TDP1: variants seen among roughly 807,000 people sequenced by gnomAD.
TDP1 encodes the protein tyrosyl-DNA phosphodiesterase 1, also known as tyr-DNA phosphodiesterase 1.
A neutral mutation model predicts 81.5 loss-of-function variants in TDP1; 64 were observed. The ratio of observed to expected loss-of-function variants is 0.79; its 90% CI spans 0.64 to 0.97. The LOEUF (loss-of-function observed/expected upper bound fraction) is 0.97. TDP1 is among the 50% of genes least tolerant of loss of function. TDP1 has a pLI of 0.00. For synonymous variants in TDP1, 256 were observed against 264.3 expected, an observed-to-expected ratio of 0.97 and a Z score of 0.30; for missense variants, 723 against 743.8, an observed-to-expected ratio of 0.97 and a Z score of 0.33.
Position 90,032,881 on chromosome 14 carries a change from A to G in TDP1, c.1645-225A>G, listed in dbSNP as rs1050414662. 4.1e-6 allele frequency: 4 copies of G among 983,220 alleles called. No individual in the cohort carries two copies. In the African/African-American group the frequency reaches 5.2e-5, roughly 13 times the overall value. The allele number at this position is 983,220 out of a possible 1,614,324, so 60.9% of individuals were successfully genotyped here. ...TTTGAAAACTTTTGCAAACTTTGCT[A>G]TAACTTAATTCCTGAAAATTAAAGC... On this transcript the variant is annotated intron_variant, in intron 15 of 16. Transcript: ENST00000335725.
chr14:89,988,864 T>A (rs1232657806), intron 10 of TDP1, 41 bp from the exon 11 acceptor site: 3 of 1,613,318 alleles, frequency 1.9e-6, no homozygotes, highest in Non-Finnish European at 2.5e-6. Flanking sequence ...TCTGTTAAGA[T>A]TATTTGAGTC....
At chr14:90,015,623 C>T (rs1596648693) in intron 14 of TDP1, among the ~76,000 whole-genome samples, 1 of 152,168 alleles carries the variant, frequency 6.6e-6, no homozygotes, top group Non-Finnish European at 1.5e-5. Context: ...CCAGCATGGC[C>T]AGGTACCGGT....
intron 5 of TDP1, among the ~76,000 whole-genome samples, chr14:89,968,722 G>A (rs1893241938): frequency 6.6e-6 from 1 of 152,138 alleles, no homozygotes; most frequent in African/African-American, 2.4e-5. Flanking sequence ...GTGTCACATT[G>A]GCATTTTCTG....
Position 89,963,502 on chromosome 14 carries a change from C to A in TDP1, c.388C>A (p.His130Asn). The A allele has an allele frequency of 6.2e-7, 1 of 1,602,946 alleles. No individual in the cohort carries two copies. Among genetic ancestry groups the A allele is most frequent in the Non-Finnish European group, 8.5e-7 (1 of 1,174,288 alleles). The change falls in exon 3 of 17, where the codon CAT becomes AAT. Residue 130 changes from histidine to asparagine, a missense_variant. His to Asn is a moderately conservative substitution (Grantham distance 68, BLOSUM62 1). Coordinates refer to ENST00000335725, the MANE Select transcript of TDP1 (RefSeq NM_018319.4). ...CGGCACTGCCCAAAGAACTGAAAATCATGGCGCTCCCGCCTGCCACAGGCT... is the reference window on the plus strand; with the variant it reads ...CGGCACTGCCCAAAGAACTGAAAATAATGGCGCTCCCGCCTGCCACAGGCT... ...NDGTAQRTEN[H>N]GAPACHRLKE...
At chr14:90,025,993 G>A (rs778576586) in intron 15 of TDP1, among the ~76,000 whole-genome samples, 25 of 152,328 alleles carry the variant, frequency 1.6e-4, no homozygotes, top group Admixed American at 5.2e-4. Context: ...GCTTACTTCC[G>A]GATGAAAGTA....
chr14:89,976,297 A>G (rs1894308877), intron 7 of TDP1, among the ~76,000 whole-genome samples: 1 of 151,708 alleles, frequency 6.6e-6, no homozygotes, highest in South Asian at 2.1e-4. Flanking sequence ...CAGGGGTCTC[A>G]CTTTGTGACC....
chr14:90,018,166 C>T (rs1288973911), intron 14 of TDP1, among the ~76,000 whole-genome samples: 1 of 151,598 alleles, frequency 6.6e-6, no homozygotes, highest in Non-Finnish European at 1.5e-5. Context: ...AGAAAACATA[C>T]TTGGTGCACC....
At chr14:90,010,208 C>T (rs1348607584) in intron 14 of TDP1, among the ~76,000 whole-genome samples, 2 of 152,160 alleles carry the variant, frequency 1.3e-5, no homozygotes, top group Non-Finnish European at 2.9e-5. Context: ...AGACCTCACA[C>T]CCAGAAGCTA....
intron 13 of TDP1, chr14:89,993,059 G>C: frequency 1.1e-6 from 1 of 874,684 alleles, no homozygotes; most frequent in Middle Eastern, 5.8e-4. Flanking sequence ...TCACAGTTCA[G>C]GCAGGAGACA....
intron 14 of TDP1, among the ~76,000 whole-genome samples, chr14:90,018,485 G>A (rs557286804): frequency 1.3e-5 from 2 of 151,928 alleles, no homozygotes; most frequent in Non-Finnish European, 2.9e-5. Flanking sequence ...TTCTTGAGAC[G>A]AGGTTTTAAT....
At chr14:89,982,957 T>A (rs1895161187) in intron 8 of TDP1, among the ~76,000 whole-genome samples, 1 of 152,216 alleles carries the variant, frequency 6.6e-6, no homozygotes, top group African/African-American at 2.4e-5. Context: ...TCTCACTTTT[T>A]AAAATTAGAA....
chr14:89,970,420 A>G (rs973243086), intron 5 of TDP1, among the ~76,000 whole-genome samples: 1 of 152,210 alleles, frequency 6.6e-6, no homozygotes, highest in African/African-American at 2.4e-5. Flanking sequence ...AGCTCAGTAC[A>G]TAGCACACAG....
At chr14:89,989,875 A>G (rs1895993803) in intron 12 of TDP1, 110 bp downstream of exon 12, 4 of 835,372 alleles carry the variant, frequency 4.8e-6, no homozygotes, top group Admixed American at 1.9e-5. Context: ...TCACTTAACT[A>G]TATAAGGATC....
intron 8 of TDP1, among the ~76,000 whole-genome samples, chr14:89,980,901 A>G (rs1894899584): frequency 6.6e-6 from 1 of 152,218 alleles, no homozygotes; most frequent in South Asian, 2.1e-4. Context: ...ATTTACACAC[A>G]GTAGTCTCTT....
chr14:90,022,601 A>G (rs1054527875), intron 15 of TDP1: 1 of 212,274 alleles, frequency 4.7e-6, no homozygotes, highest in Non-Finnish European at 8.1e-6. Flanking sequence ...GATACTACCA[A>G]GGGGTTTCAC....
At chr14:90,042,699 CCATCAGAT>C (rs1203741225) in intron 16 of TDP1, 2 of 176,726 alleles carry the variant, frequency 1.1e-5, no homozygotes, top group Non-Finnish European at 2.2e-5. Flanking sequence ...CTTTATAAAA[CCATCAGAT>C]CTTGTGTGAG....
intron 2 of TDP1, 140 bp from the exon 3 acceptor site, chr14:89,962,968 A>G: frequency 1.3e-6 from 2 of 1,516,438 alleles, no homozygotes; most frequent in Non-Finnish European, 1.8e-6. Context: ...GCTTATAAAC[A>G]CCCAAAAAGC....
intron 16 of TDP1, among the ~76,000 whole-genome samples, chr14:90,041,573 C>T (rs755414797): frequency 6.6e-6 from 1 of 152,170 alleles, no homozygotes; most frequent in Non-Finnish European, 1.5e-5. Context: ...TACCATCTGC[C>T]TCTGTTCAAG....
At chr14:89,963,820 G>T in intron 3 of TDP1, 147 bp downstream of exon 3, 1 of 876,782 alleles carries the variant, frequency 1.1e-6, no homozygotes. Flanking sequence ...TGACAGGCAA[G>T]TGCATTAGTA....
Sources: gnomAD v4.1 joint callset for allele counts (sites outside exome capture counted in the v4.1 genomes callset) on GRCh38, gnomAD v4.1.1 for gene constraint, MANE v1.5 for transcripts, NCBI Gene and HGNC (gene_info 2026-07-23, HGNC 2026-07-21) for gene names.